Variants in CLTCL1 observed in about 807,000 individuals in gnomAD.
The protein encoded by CLTCL1 is clathrin heavy chain 2.
A neutral mutation model predicts 190.0 loss-of-function variants in CLTCL1; 159 were observed. The observed-to-expected ratio is 0.84, with a 90% CI of 0.74 to 0.95. The LOEUF (loss-of-function observed/expected upper bound fraction) is 0.95, where lower values mean the gene tolerates loss of function less well. Ranked by LOEUF, CLTCL1 falls within the 40% of genes least tolerant of loss-of-function variation. The pLI is 0.00. For missense variants in CLTCL1, 1,878 were observed against 2,033.4 expected, an observed-to-expected ratio of 0.92 and a Z score of 1.47; for synonymous variants, 752 against 769.6, an observed-to-expected ratio of 0.98 and a Z score of 0.38.
intron 5 of CLTCL1, among the ~76,000 whole-genome samples, chr22:19,236,567 T>C (rs1241857034): frequency 6.6e-6 from 1 of 152,150 alleles, no homozygotes; most frequent in East Asian, 1.9e-4. Flanking sequence ...AAACAGACAG[T>C]AATTTTTGAA....
At chr22:19,221,292 C>T in intron 17 of CLTCL1, 85 bp downstream of exon 17, 1 of 1,037,244 alleles carries the variant, frequency 9.6e-7, no homozygotes, top group Non-Finnish European at 1.4e-6. Context: ...ACAGAAAGCC[C>T]TGATCAGCTC....
intron 3 of CLTCL1, among the ~76,000 whole-genome samples, chr22:19,252,126 A>T: frequency 6.6e-6 from 1 of 152,196 alleles, no homozygotes; most frequent in South Asian, 2.1e-4. Flanking sequence ...CTATTCCAGA[A>T]CAGACTACAT....
intron 2 of CLTCL1, chr22:19,257,812 G>C (rs1003182500): frequency 1.4e-6 from 2 of 1,430,156 alleles, no homozygotes; most frequent in Non-Finnish European, 1.9e-6. Context: ...TACCTGGACA[G>C]AGTGAGGAGC....
At chr22:19,258,721 A>T (rs2086847862) in intron 2 of CLTCL1, 1 of 690,570 alleles carries the variant, frequency 1.4e-6, no homozygotes, top group Non-Finnish European at 2.7e-6. Context: ...AACTCCATGC[A>T]AACCATCCAA....
intron 22 of CLTCL1, chr22:19,207,445 G>A (rs1298485496): frequency 2.5e-6 from 1 of 398,036 alleles, no homozygotes. Context: ...TTATTCTGAT[G>A]TGTATAGCCA....
At chr22:19,190,827 G>GC (rs1569149575) in intron 27 of CLTCL1, among the ~76,000 whole-genome samples, 1 of 151,280 alleles carries the variant, frequency 6.6e-6, no homozygotes, top group African/African-American at 2.4e-5. Flanking sequence ...ACCCAGGCTG[G>GC]AGTGCAGTGG....
At chr22:19,239,797 C>T (rs1402087530) in intron 4 of CLTCL1, among the ~76,000 whole-genome samples, 8 of 152,172 alleles carry the variant, frequency 5.3e-5, no homozygotes, top group South Asian at 2.1e-4. Flanking sequence ...GCGAAACTCA[C>T]GAGACATCCT....
chr22:19,233,559 C>G lies in CLTCL1; in HGVS notation c.1231G>C (p.Ala411Pro). 3 of 1,613,876 alleles carry G rather than the reference C, an allele frequency of 1.9e-6. No individual in the cohort carries two copies. Among genetic ancestry groups the G allele is most frequent in the Non-Finnish European group, 2.5e-6 (3 of 1,179,894 alleles). ...FQSIPAQSGQ[A>P]SPLLQYFGIL... ...CCGAAGTACTGCAGCAATGGAGAAG[C>G]CTGGCCAGACTGAGCGGGTATACTC... Residue 411 changes from alanine to proline, a missense_variant, in exon 8 of 33, where the codon GCT becomes CCT. By Grantham distance (27) the Ala-to-Pro change is conservative (BLOSUM62 -1). Transcript: ENST00000427926.
At chr22:19,192,568 T>A (rs1293720695) in intron 26 of CLTCL1, among the ~76,000 whole-genome samples, 4 of 152,218 alleles carry the variant, frequency 2.6e-5, no homozygotes, top group African/African-American at 9.6e-5. Flanking sequence ...TGATCACCAC[T>A]GGAGCCTCCA....
At chr22:19,257,709 C>T in intron 2 of CLTCL1, 2 of 1,039,536 alleles carry the variant, frequency 1.9e-6, no homozygotes, top group Non-Finnish European at 2.7e-6. Flanking sequence ...GTCCAGGGCC[C>T]TGGCCACTGG....
intron 1 of CLTCL1, among the ~76,000 whole-genome samples, chr22:19,276,143 A>G (rs1272372250): frequency 6.6e-6 from 1 of 152,144 alleles, no homozygotes; most frequent in Admixed American, 6.5e-5. Flanking sequence ...AAAGAACACC[A>G]TCAGATAAGG....
intron 27 of CLTCL1, among the ~76,000 whole-genome samples, chr22:19,190,395 T>C (rs1399081965): frequency 2.0e-5 from 3 of 152,184 alleles, no homozygotes; most frequent in Non-Finnish European, 4.4e-5. Context: ...TCCCTTCTTA[T>C]AGGGGCATGG....
chr22:19,268,377 G>A (rs1024894395), intron 2 of CLTCL1, among the ~76,000 whole-genome samples: 7 of 152,112 alleles, frequency 4.6e-5, no homozygotes, highest in Admixed American at 4.6e-4. Flanking sequence ...AGCACAAACA[G>A]ACTAAGACAA....
In CLTCL1 at chr22:19,210,528, C is replaced by T; in HGVS notation, c.3066-19G>A. The T allele has an allele frequency of 6.2e-7, 1 of 1,603,032 alleles. No individual in the cohort carries two copies. Among genetic ancestry groups the T allele is most frequent in the Non-Finnish European group, 8.5e-7 (1 of 1,172,048 alleles). On this transcript the variant is annotated intron_variant, in intron 19 of 32. Transcript: ENST00000427926. Reference sequence around the variant, plus strand: ...TAGATTCCTGAGGAGAGAGGGTGGTCAGCACGGCATCCCAGGAACGAAGGC... The same window carrying T: ...TAGATTCCTGAGGAGAGAGGGTGGTTAGCACGGCATCCCAGGAACGAAGGC...
intron 11 of CLTCL1, among the ~76,000 whole-genome samples, chr22:19,228,022 C>T (rs1252868816): frequency 6.6e-6 from 1 of 151,642 alleles, no homozygotes. Context: ...CTCCTGGGTG[C>T]CTTCCCCTGC....
intron 3 of CLTCL1, among the ~76,000 whole-genome samples, chr22:19,244,338 G>A (rs2086351966): frequency 6.6e-6 from 1 of 152,238 alleles, no homozygotes; most frequent in Admixed American, 6.5e-5. Context: ...AGCCAGGCAT[G>A]AAAGGCTGCA....
intron 3 of CLTCL1, among the ~76,000 whole-genome samples, chr22:19,244,137 T>TCA (rs1301160381): frequency 1.3e-5 from 2 of 152,246 alleles, no homozygotes; most frequent in African/African-American, 4.8e-5. Flanking sequence ...CTGAGTGAGC[T>TCA]CACATATAGT....
intron 29 of CLTCL1, among the ~76,000 whole-genome samples, chr22:19,185,350 G>A (rs1771543): frequency 6.9e-6 from 1 of 143,926 alleles, no homozygotes; most frequent in African/African-American, 2.6e-5. Context: ...TTCTTGAGAC[G>A]GAGTCTCGCT....
intron 29 of CLTCL1, among the ~76,000 whole-genome samples, chr22:19,186,992 T>G (rs1291246390): frequency 6.6e-6 from 1 of 151,156 alleles, no homozygotes; most frequent in Non-Finnish European, 1.5e-5. Context: ...AGAGCAGTGG[T>G]GTGATCATAG....
Sources: gnomAD v4.1 joint callset for allele counts (sites outside exome capture counted in the v4.1 genomes callset) on GRCh38, gnomAD v4.1.1 for gene constraint, MANE v1.5 for transcripts, NCBI Gene and HGNC (gene_info 2026-07-23, HGNC 2026-07-21) for gene names.